Variants in KCNIP4 observed in about 807,000 individuals in gnomAD.
KCNIP4 encodes the protein potassium voltage-gated channel interacting protein 4.
In KCNIP4, 12 loss-of-function variants were observed where a neutral mutation model predicts 34.0. The observed-to-expected ratio is 0.35, with a 90% CI of 0.23 to 0.57. The LOEUF is 0.57. Among genes scored for constraint, KCNIP4 ranks in the 20% least tolerant of loss-of-function variants. KCNIP4 has a pLI of 0.83. For missense variants in KCNIP4, 238 were observed against 311.7 expected, an observed-to-expected ratio of 0.76 and a Z score of 1.78; for synonymous variants, 124 against 102.2, an observed-to-expected ratio of 1.21 and a Z score of -1.29.
chr4:21,804,384 T>G (rs1721176610), intron 1 of KCNIP4, among the ~76,000 whole-genome samples: 1 of 152,244 alleles, frequency 6.6e-6, no homozygotes, highest in South Asian at 2.1e-4. Context: ...GATGTAGATA[T>G]TCTGTGAAAT....
At chr4:20,872,654 T>A (rs928023013) in intron 2 of KCNIP4, among the ~76,000 whole-genome samples, 1 of 152,138 alleles carries the variant, frequency 6.6e-6, no homozygotes, top group African/African-American at 2.4e-5. Flanking sequence ...TACGAGAAGC[T>A]ACCTTGGTTA....
At chr4:20,950,472 GTTC>G (rs1353101534) in intron 1 of KCNIP4, among the ~76,000 whole-genome samples, 2 of 151,992 alleles carry the variant, frequency 1.3e-5, no homozygotes, top group African/African-American at 2.4e-5. Flanking sequence ...CCCTGTTGCT[GTTC>G]TTTGATATTG....
intron 1 of KCNIP4, among the ~76,000 whole-genome samples, chr4:21,238,783 C>T (rs1759567697): frequency 6.6e-6 from 1 of 152,112 alleles, no homozygotes; most frequent in African/African-American, 2.4e-5. Flanking sequence ...GAATCAATAT[C>T]ATGAAAATGG....
chr4:21,845,317 T>A (rs1009836034), intron 1 of KCNIP4: 1 of 152,154 alleles, frequency 6.6e-6, no homozygotes, highest in Non-Finnish European at 1.5e-5. Context: ...GTGGCTATAT[T>A]CCAATAAAAC....
At chr4:21,863,694 A>C (rs943410046) in intron 1 of KCNIP4, among the ~76,000 whole-genome samples, 6 of 152,154 alleles carry the variant, frequency 3.9e-5, no homozygotes, top group Non-Finnish European at 8.8e-5. Flanking sequence ...AAAAAGTAGA[A>C]AGGAGAAAAA....
At chr4:21,035,594 G>A (rs879619849) in intron 1 of KCNIP4, among the ~76,000 whole-genome samples, 2 of 152,134 alleles carry the variant, frequency 1.3e-5, no homozygotes, top group Admixed American at 6.5e-5. Context: ...TTTTGACCTT[G>A]AGTCTTCATT....
intron 1 of KCNIP4, among the ~76,000 whole-genome samples, chr4:20,931,986 C>T (rs79183298): frequency 1.9e-5 from 1 of 53,262 alleles, no homozygotes; most frequent in Admixed American, 1.9e-4. Context: ...TAGTCTATAA[C>T]AGTCTAATAT....
At chr4:21,008,293 C>G (rs945541840) in intron 1 of KCNIP4, among the ~76,000 whole-genome samples, 1 of 152,132 alleles carries the variant, frequency 6.6e-6, no homozygotes, top group Non-Finnish European at 1.5e-5. Flanking sequence ...ACTCCTCCAC[C>G]CTTTTTGTTC....
intron 1 of KCNIP4, among the ~76,000 whole-genome samples, chr4:21,371,664 A>G (rs547563449): frequency 6.8e-6 from 1 of 147,436 alleles, no homozygotes; most frequent in Admixed American, 6.6e-5. Context: ...TCTATATAGC[A>G]TCTTGGGAAC....
At chr4:21,228,927 C>A (rs143281938) in intron 1 of KCNIP4, among the ~76,000 whole-genome samples, 2 of 152,166 alleles carry the variant, frequency 1.3e-5, no homozygotes, top group African/African-American at 4.8e-5. Context: ...TAGCTCTGAA[C>A]ACACCATTAC....
chr4:21,558,941 A>G (rs576257683), intron 1 of KCNIP4, among the ~76,000 whole-genome samples: 8 of 152,294 alleles, frequency 5.3e-5, no homozygotes, highest in Admixed American at 1.3e-4. Flanking sequence ...TGTGAAGTGT[A>G]TTTCAAGTCA....
At chr4:21,486,091 GACAGCTTCCTGGAAAC>G (rs1444255511) in intron 1 of KCNIP4, among the ~76,000 whole-genome samples, 1 of 152,144 alleles carries the variant, frequency 6.6e-6, no homozygotes. Flanking sequence ...ACTATCTCAG[GACAGCTTCCTGGAAAC>G]ACAGCAGCAG....
chr4:21,089,056 G>A (rs1746734260), intron 1 of KCNIP4, among the ~76,000 whole-genome samples: 1 of 152,106 alleles, frequency 6.6e-6, no homozygotes, highest in Admixed American at 6.6e-5. Context: ...ACTCTATTAA[G>A]GAAAGAAATA....
intron 6 of KCNIP4, among the ~76,000 whole-genome samples, chr4:20,733,235 G>C (rs1402193198): frequency 6.6e-6 from 1 of 152,076 alleles, no homozygotes. Flanking sequence ...TAAGTCTTAA[G>C]GTTCATTAGG....
intron 1 of KCNIP4, among the ~76,000 whole-genome samples, chr4:21,524,703 A>G (rs759800273): frequency 6.6e-6 from 1 of 151,446 alleles, no homozygotes; most frequent in African/African-American, 2.4e-5. Flanking sequence ...TCTTCCTATC[A>G]CTTATTTTTT....
intron 1 of KCNIP4, among the ~76,000 whole-genome samples, chr4:21,609,433 C>T (rs201856133): frequency 2.6e-5 from 4 of 152,128 alleles, no homozygotes; most frequent in East Asian, 1.9e-4. Context: ...TTCCTCACTT[C>T]GCATGAGTTA....
At chr4:20,888,245 T>G (rs1322018964) in intron 1 of KCNIP4, among the ~76,000 whole-genome samples, 1 of 152,160 alleles carries the variant, frequency 6.6e-6, no homozygotes, top group Non-Finnish European at 1.5e-5. Flanking sequence ...CCCCACCATA[T>G]AATTAAATCA....
intron 1 of KCNIP4, among the ~76,000 whole-genome samples, chr4:21,322,890 C>T (rs550670990): frequency 2.0e-5 from 3 of 152,076 alleles, no homozygotes; most frequent in African/African-American, 7.2e-5. Flanking sequence ...TTGTCCTTGT[C>T]CTCAAAATAT....
intron 1 of KCNIP4, among the ~76,000 whole-genome samples, chr4:21,593,408 C>T: frequency 6.6e-6 from 1 of 152,066 alleles, no homozygotes; most frequent in East Asian, 1.9e-4. Flanking sequence ...GTGCTCTGCT[C>T]TTCTGCTGAC....
Sources: gnomAD v4.1 joint callset for allele counts (sites outside exome capture counted in the v4.1 genomes callset) on GRCh38, gnomAD v4.1.1 for gene constraint, MANE v1.5 for transcripts, NCBI Gene and HGNC (gene_info 2026-07-23, HGNC 2026-07-21) for gene names.